The following GIPC1 variants were observed in gnomAD, a reference collection of about 807,000 sequenced individuals.
The protein encoded by GIPC1 is GIPC PDZ domain containing family member 1.
A neutral mutation model predicts 28.5 loss-of-function variants in GIPC1; 15 were observed. The ratio of observed to expected loss-of-function variants is 0.53; its 90% CI spans 0.35 to 0.81. The LOEUF (loss-of-function observed/expected upper bound fraction) is 0.81, where lower values mean the gene tolerates loss of function less well. Among genes scored for constraint, GIPC1 ranks in the 30% least tolerant of loss-of-function variants. The pLI, the probability that GIPC1 is intolerant of heterozygous loss-of-function variation, is 0.01. For missense variants in GIPC1, 439 were observed against 481.9 expected, an observed-to-expected ratio of 0.91 and a Z score of 0.83; for synonymous variants, 224 against 206.1, an observed-to-expected ratio of 1.09 and a Z score of -0.74.
intron 3 of GIPC1, among the ~76,000 whole-genome samples, chr19:14,485,698 T>TAGAGAG (rs1486531236): frequency 3.5e-5 from 3 of 85,092 alleles, no homozygotes; most frequent in East Asian, 5.9e-4. Flanking sequence ...TATATATATA[T>TAGAGAG]ATATAGAGAG....
Position 14,485,382 on chromosome 19 carries a change from G to A in GIPC1, c.-30-2376C>T, listed in dbSNP as rs115331958. ...TTAAATTTTATTGTAGGCCTGGTGC[G>A]ATGGCTCACATCTGTAATCCCAGCA... On this transcript the variant is annotated intron_variant, in intron 3 of 8. Transcript: ENST00000393033. Among the ~76,000 whole-genome samples the A allele has an allele frequency of 6.6e-3, 988 of 150,512 alleles. 16 individuals are homozygous for A. The highest frequency in any genetic ancestry group is 0.023 in the African/African-American group (944 of 40,964).
At chr19:14,481,266 C>G (rs916197135) in intron 4 of GIPC1, among the ~76,000 whole-genome samples, 25 of 152,130 alleles carry the variant, frequency 1.6e-4, no homozygotes, top group African/African-American at 5.6e-4. Context: ...GCCACCACAC[C>G]CACATAGTTA....
Position 14,478,414 on chromosome 19 carries a change from T to A in GIPC1, c.*2A>T. The A allele has an allele frequency of 2.5e-6, 4 of 1,605,314 alleles. No individual in the cohort carries two copies. Among genetic ancestry groups the A allele is most frequent in the Non-Finnish European group, 3.4e-6 (4 of 1,176,388 alleles). On this transcript the variant is annotated 3_prime_UTR_variant, in exon 9 of 9. Transcript: ENST00000393033. This position sits in a 1 kb window ranked among gnomAD's most constrained non-coding sequence, Gnocchi z 5.2. ...TCATCATCGCAGGGTCCGGGGGCAG[T>A]CCTAGTAGCGGCCGACCTTGGCGTC...
At chr19:14,485,900 A>G (rs2071834125) in intron 3 of GIPC1, among the ~76,000 whole-genome samples, 1 of 151,654 alleles carries the variant, frequency 6.6e-6, no homozygotes, top group Non-Finnish European at 1.5e-5. Context: ...GCTCCGGAGT[A>G]GCTGGGACTA....
chr19:14,479,480 G>C lies in GIPC1; in HGVS notation c.700C>G (p.Pro234Ala), dbSNP rs764798610. 6.9e-7 allele frequency: 1 copy of C among 1,442,666 alleles called. No homozygotes were observed. The highest frequency in any genetic ancestry group is 1.5e-5 in the African/African-American group (1 of 66,654). The allele number at this position is 1,442,666 out of a possible 1,614,324, so 89.4% of individuals were successfully genotyped here. Reference sequence around the variant, plus strand: ...GTCCCTCGGCCAGTGCCCAGTTGTGGGCCAGAGCCAGGGCGGCCACCCGCT... The same window carrying C: ...GTCCCTCGGCCAGTGCCCAGTTGTGCGCCAGAGCCAGGGCGGCCACCCGCT... Reference protein sequence around the residue: ...RSAGGRPGSGPQLGTGRGTLR... With the variant: ...RSAGGRPGSGAQLGTGRGTLR... Residue 234 changes from proline to alanine, a missense_variant, in exon 7 of 9, where the codon CCA becomes GCA. By Grantham distance (27) the Pro-to-Ala change is conservative. Transcript: ENST00000393033.
rs1421768476 is a variant in GIPC1 at position 14,480,497 on chromosome 19, G to A, written c.475-12C>T. 2.5e-6 allele frequency: 4 copies of A among 1,607,872 alleles called. No homozygotes were observed. In the African/African-American group the frequency reaches 4.0e-5, roughly 16 times the overall value. ...CCCTCCTTGATGCGCTGCGGGGGCGGGGAGTCATCAGCCCTTGGGGCTCTG... is the reference window on the plus strand; with the variant it reads ...CCCTCCTTGATGCGCTGCGGGGGCGAGGAGTCATCAGCCCTTGGGGCTCTG... On this transcript the variant is annotated splice_polypyrimidine_tract_variant and intron_variant, in intron 5 of 8. Transcript: ENST00000393033.
rs757354689 is a variant in GIPC1, at chr19:14,479,425, G to A, written c.755C>T (p.Thr252Met). The A allele has an allele frequency of 1.2e-5, 17 of 1,406,664 alleles. No homozygotes were observed. Among genetic ancestry groups the A allele is most frequent in the Middle Eastern group, 5.3e-4 (2 of 3,792 alleles). 87.1% of individuals were successfully genotyped at this position (1,406,664 alleles called of 1,614,324 possible). ...TGGAGCACTCACCAGATCCTCCACCGTGGCGGGGCCCCGGGATCGGAGCCG... is the reference window on the plus strand; with the variant it reads ...TGGAGCACTCACCAGATCCTCCACCATGGCGGGGCCCCGGGATCGGAGCCG... ...TLRLRSRGPA[T>M]VEDLPSAFEE... Residue 252 changes from threonine to methionine, a missense_variant, in exon 7 of 9, where the codon ACG (threonine) becomes ATG (methionine). Physicochemically the swap from Thr to Met is moderately conservative, Grantham distance 81. Coordinates refer to ENST00000393033, the MANE Select transcript of GIPC1 (RefSeq NM_005716.4).
intron 4 of GIPC1, among the ~76,000 whole-genome samples, chr19:14,481,162 G>A (rs2071720504): frequency 6.6e-6 from 1 of 152,022 alleles, no homozygotes; most frequent in Non-Finnish European, 1.5e-5. Flanking sequence ...TGGAGATATG[G>A]GGTCTCACTA....
At chr19:14,480,810 C>G in intron 4 of GIPC1, 32 bp from the exon 5 acceptor site, 2 of 1,470,098 alleles carry the variant, frequency 1.4e-6, no homozygotes, top group South Asian at 2.4e-5. Context: ...AAACCTCTTC[C>G]CCCTCCCTCC....
intron 3 of GIPC1, among the ~76,000 whole-genome samples, chr19:14,489,916 G>A (rs1325593355): frequency 6.6e-6 from 1 of 151,700 alleles, no homozygotes; most frequent in Non-Finnish European, 1.5e-5. Context: ...AGAAACTCAT[G>A]CTAAAATTTG....
chr19:14,491,034 G>C (rs2071962321), intron 3 of GIPC1, among the ~76,000 whole-genome samples: 3 of 151,742 alleles, frequency 2.0e-5, no homozygotes, highest in Non-Finnish European at 4.4e-5. Context: ...CCGGGTGCAG[G>C]GACGGTGGCT....
intron 1 of GIPC1, among the ~76,000 whole-genome samples, chr19:14,495,343 A>C (rs2072053958): frequency 6.6e-6 from 1 of 151,968 alleles, no homozygotes; most frequent in African/African-American, 2.4e-5. Context: ...AGGGGGCCGG[A>C]GCTACTCAGC....
At chr19:14,485,702 T>TATATAGAGAGAGAGAGAGAG (rs1300117748) in intron 3 of GIPC1, among the ~76,000 whole-genome samples, 1 of 58,798 alleles carries the variant, frequency 1.7e-5, no homozygotes, top group Non-Finnish European at 3.7e-5. Flanking sequence ...TATATATATA[T>TATATAGAGAGAGAGAGAGAG]AGAGAGAGAG....
At chr19:14,479,346 C>CT (rs1337725220) in intron 7 of GIPC1, 66 bp downstream of exon 7, 8 of 640,934 alleles carry the variant, frequency 1.2e-5, no homozygotes, top group Non-Finnish European at 1.6e-5. Context: ...GAGTGAGACT[C>CT]TGTCTCAAAA....
At chr19:14,479,574 C>A in intron 6 of GIPC1, 50 bp from the exon 7 acceptor site, 3 of 962,006 alleles carry the variant, frequency 3.1e-6, no homozygotes, top group South Asian at 4.1e-5. Flanking sequence ...GGTTTTAGCA[C>A]GTTCTGGGCA....
rs1451248548 is a variant in GIPC1, at chr19:14,482,850, G to A, written c.127C>T (p.Pro43Ser). The change falls in exon 4 of 9, where the codon CCC becomes TCC. Residue 43 changes from proline to serine, a missense_variant. Physicochemically the swap from Pro to Ser is moderately conservative, Grantham distance 74. Coordinates refer to ENST00000393033, the MANE Select transcript of GIPC1 (RefSeq NM_005716.4). ...GPLGGGGSGG[P>S]QMGLPPPPPA... Reference sequence around the variant, plus strand: ...GGAGGGGGGGGCAAGCCCATTTGGGGGCCCCCCGACCCACCTCCGCCCAGA... The same window carrying A: ...GGAGGGGGGGGCAAGCCCATTTGGGAGCCCCCCGACCCACCTCCGCCCAGA... 7.0e-6 allele frequency: 11 copies of A among 1,573,988 alleles called. No individual in the cohort carries two copies. Among genetic ancestry groups the A allele is most frequent in the South Asian group, 2.3e-5 (2 of 87,474 alleles).
At chr19:14,484,767 A>C (rs535609324) in intron 3 of GIPC1, among the ~76,000 whole-genome samples, 1 of 151,860 alleles carries the variant, frequency 6.6e-6, no homozygotes, top group Middle Eastern at 3.4e-3. Flanking sequence ...ACAAAAAACA[A>C]AAAACACTTT....
chr19:14,495,562 T>C (rs1389088825), intron 1 of GIPC1, among the ~76,000 whole-genome samples: 1 of 152,116 alleles, frequency 6.6e-6, no homozygotes, highest in Non-Finnish European at 1.5e-5. Context: ...ATTATCCTCA[T>C]GGTAAATGCC....
In GIPC1 at chr19:14,480,743, G is replaced by T. The variant is rs781405718; in HGVS notation, c.324C>A (p.Asp108Glu). 6.8e-6 allele frequency: 11 copies of T among 1,613,738 alleles called. No homozygotes were observed. Among genetic ancestry groups the T allele is most frequent in the Non-Finnish European group, 8.5e-6 (10 of 1,179,724 alleles). ...MFCTLNTHKVDMDKLLGGQIG... is the reference protein window; with the variant it reads ...MFCTLNTHKVEMDKLLGGQIG... Reference sequence around the variant, plus strand: ...TCTGGCCCCCCAGGAGCTTGTCCATGTCCACTTTGTGGGTGTTCAGGGTGC... The same window carrying T: ...TCTGGCCCCCCAGGAGCTTGTCCATTTCCACTTTGTGGGTGTTCAGGGTGC... The change falls in exon 5 of 9, where the codon GAC (aspartate) becomes GAA (glutamate). Residue 108 changes from aspartate (D) to glutamate (E), a missense_variant. Coordinates refer to ENST00000393033, the MANE Select transcript of GIPC1 (RefSeq NM_005716.4).
Sources: allele counts gnomAD v4.1 joint callset (sites outside exome capture counted in the v4.1 genomes callset), GRCh38; gene constraint gnomAD v4.1.1; non-coding constraint Gnocchi (gnomAD v3.1); transcripts MANE v1.5; gene names NCBI Gene and HGNC (gene_info 2026-07-23, HGNC 2026-07-21).